GSTCD: variants seen among roughly 807,000 people sequenced by gnomAD.
The protein encoded by GSTCD is glutathione S-transferase C-terminal domain containing.
A neutral mutation model predicts 68.3 loss-of-function variants in GSTCD; 44 were observed. The ratio of observed to expected loss-of-function variants is 0.64; its 90% CI spans 0.51 to 0.83. The LOEUF is 0.83. GSTCD is among the 40% of genes least tolerant of loss of function. The pLI is 0.00. For synonymous variants in GSTCD, 273 were observed against 255.2 expected (o/e 1.07, Z -0.67); for missense variants, 739 against 735.9 (o/e 1.00, Z -0.05).
At chr4:105,767,369 A>G (rs1271087671) in intron 5 of GSTCD, among the ~76,000 whole-genome samples, 1 of 152,178 alleles carries the variant, frequency 6.6e-6, no homozygotes, top group Non-Finnish European at 1.5e-5. Flanking sequence ...TAAGGAGTAA[A>G]CTTAAGGTTA....
intron 7 of GSTCD, chr4:105,823,518 A>C (rs1336523261): frequency 1.5e-5 from 5 of 334,098 alleles, no homozygotes; most frequent in African/African-American, 8.5e-5. Flanking sequence ...GTAATTTTTC[A>C]AAGAAGTAGC....
At chr4:105,730,876 G>A (rs1733213213) in intron 5 of GSTCD, among the ~76,000 whole-genome samples, 2 of 152,136 alleles carry the variant, frequency 1.3e-5, no homozygotes, top group Non-Finnish European at 2.9e-5. Context: ...ATGGTTTTAG[G>A]TCTAAGATTT....
At chr4:105,750,329 G>A (rs924773354) in intron 5 of GSTCD, among the ~76,000 whole-genome samples, 3 of 151,998 alleles carry the variant, frequency 2.0e-5, no homozygotes, top group African/African-American at 4.8e-5. Context: ...GCATGGTGGT[G>A]CATGCCTGTA....
intron 1 of GSTCD, among the ~76,000 whole-genome samples, chr4:105,711,507 C>G (rs539850758): frequency 6.6e-6 from 1 of 152,076 alleles, no homozygotes; most frequent in African/African-American, 2.4e-5. Flanking sequence ...TGGGTTTTGC[C>G]CATCAAGGTT....
intron 11 of GSTCD, 46 bp from the exon 12 acceptor site, chr4:105,845,395 C>A: frequency 6.2e-7 from 1 of 1,610,576 alleles, no homozygotes; most frequent in African/African-American, 1.3e-5. Flanking sequence ...TGAAACTGTC[C>A]TGCTAGTGAA....
At chr4:105,829,297 A>C (rs1395307169) in intron 8 of GSTCD, among the ~76,000 whole-genome samples, 1 of 152,070 alleles carries the variant, frequency 6.6e-6, no homozygotes, top group Non-Finnish European at 1.5e-5. Context: ...AGAATTTCCA[A>C]TCAACTTTTT....
At chr4:105,804,195 A>G (rs537359196) in intron 5 of GSTCD, among the ~76,000 whole-genome samples, 130 of 152,178 alleles carry the variant, frequency 8.5e-4, no homozygotes, top group Non-Finnish European at 1.6e-3. Context: ...TTATTATTAC[A>G]ATGTAAAACA....
chr4:105,736,224 T>A (rs1401310265), intron 5 of GSTCD, among the ~76,000 whole-genome samples: 1 of 152,150 alleles, frequency 6.6e-6, no homozygotes, highest in Non-Finnish European at 1.5e-5. Context: ...AATCCTGCTG[T>A]TTGTTTTGTC....
chr4:105,729,174 A>G (rs1190139302), intron 4 of GSTCD, among the ~76,000 whole-genome samples: 2 of 152,184 alleles, frequency 1.3e-5, no homozygotes, highest in African/African-American at 4.8e-5. Flanking sequence ...ATTTTAAAAT[A>G]GCATTACTTT....
At chr4:105,739,782 T>G (rs970866820) in intron 5 of GSTCD, among the ~76,000 whole-genome samples, 13 of 152,096 alleles carry the variant, frequency 8.5e-5, no homozygotes, top group Non-Finnish European at 1.8e-4. Flanking sequence ...TATAACAGCT[T>G]TTTCAGGGCA....
chr4:105,764,090 A>G (rs1734516061), intron 5 of GSTCD, among the ~76,000 whole-genome samples: 1 of 152,154 alleles, frequency 6.6e-6, no homozygotes, highest in Non-Finnish European at 1.5e-5. Flanking sequence ...AAAATAGGAC[A>G]GAAAGTCACA....
rs1191919822 is a variant in GSTCD at position 105,727,701 on chromosome 4, A to AG, written c.1146+871_1146+872insG. Among the ~76,000 whole-genome samples the AG allele has an allele frequency of 7.2e-5, 11 of 152,090 alleles. No homozygotes were observed. In the East Asian group the frequency reaches 1.9e-3, roughly 27 times the overall value. On this transcript the variant is annotated intron_variant, in intron 4 of 11. Transcript: ENST00000515279. The stretch of plus-strand genomic sequence containing the variant: ...GTGAAACCCTGTTTCAAAAAAAAAA[A>AG]AGAATGCATATGCTTTATTTTTTTT...
intron 3 of GSTCD, among the ~76,000 whole-genome samples, chr4:105,724,050 G>A (rs1266144709): frequency 1.3e-5 from 2 of 151,708 alleles, no homozygotes; most frequent in African/African-American, 4.8e-5. Flanking sequence ...ATATATGTAT[G>A]AATTTTTTAT....
At chr4:105,791,406 AAAAG>A (rs1735670711) in intron 5 of GSTCD, among the ~76,000 whole-genome samples, 2 of 151,710 alleles carry the variant, frequency 1.3e-5, no homozygotes, top group African/African-American at 2.4e-5. Flanking sequence ...AAAAAAAAAA[AAAAG>A]AAAAAAGGAA....
At chr4:105,775,230 G>C (rs182814512) in intron 5 of GSTCD, among the ~76,000 whole-genome samples, 14 of 152,224 alleles carry the variant, frequency 9.2e-5, no homozygotes, top group African/African-American at 3.4e-4. Context: ...TCTCTAAACT[G>C]GTTATTCTAT....
chr4:105,767,418 A>G (rs1228668041), intron 5 of GSTCD, among the ~76,000 whole-genome samples: 1 of 152,214 alleles, frequency 6.6e-6, no homozygotes, highest in Non-Finnish European at 1.5e-5. Flanking sequence ...ACTTTTATCT[A>G]CATTAGAATC....
chr4:105,786,063 A>C (rs1032419836), intron 5 of GSTCD, among the ~76,000 whole-genome samples: 2 of 152,240 alleles, frequency 1.3e-5, no homozygotes, highest in Non-Finnish European at 2.9e-5. Flanking sequence ...TAAATGGATC[A>C]AAGATATAAA....
intron 5 of GSTCD, among the ~76,000 whole-genome samples, chr4:105,781,731 T>C (rs2149249792): frequency 6.6e-6 from 1 of 151,992 alleles, no homozygotes; most frequent in African/African-American, 2.4e-5. Flanking sequence ...AAAAATAAAA[T>C]CTAAATTTTT....
intron 11 of GSTCD, among the ~76,000 whole-genome samples, chr4:105,842,824 C>G (rs944876355): frequency 6.6e-6 from 1 of 152,126 alleles, no homozygotes; most frequent in African/African-American, 2.4e-5. Flanking sequence ...GAGACAAAAG[C>G]TTTCCTGGGG....
Sources: allele counts gnomAD v4.1 joint callset (sites outside exome capture counted in the v4.1 genomes callset), GRCh38; gene constraint gnomAD v4.1.1; transcripts MANE v1.5; gene names NCBI Gene and HGNC (gene_info 2026-07-23, HGNC 2026-07-21).